Variants in BRCA1 observed in about 807,000 individuals in gnomAD.
BRCA1 encodes breast cancer type 1 susceptibility protein.
BRCA1 carries 140 observed loss-of-function variants against 173.7 expected under a neutral mutation model. The ratio of observed to expected loss-of-function variants is 0.81; its 90% CI spans 0.70 to 0.93. BRCA1 has a LOEUF of 0.93. BRCA1 is among the 40% of genes least tolerant of loss of function. The probability of loss-of-function intolerance (pLI) is 0.00; values close to 1 mark genes in which losing one functional copy is unlikely to be tolerated. For synonymous variants in BRCA1, 662 were observed against 756.0 expected (o/e 0.88, Z 2.04); for missense variants, 1,983 against 2,172.5 (o/e 0.91, Z 1.73).
At chr17:43,070,712 T>C (rs2052342535) in intron 15 of BRCA1, among the ~76,000 whole-genome samples, 1 of 152,228 alleles carries the variant, frequency 6.6e-6, no homozygotes, top group Non-Finnish European at 1.5e-5. Context: ...TATTTAATAA[T>C]TATTTTCTCA....
Position 43,119,136 on chromosome 17 carries a change from G to T in BRCA1, c.81-3357C>A, listed in dbSNP as rs527390046. 7 of 215,298 alleles carry T rather than the reference G, an allele frequency of 3.3e-5. No individual in the cohort carries two copies. In the South Asian group the frequency reaches 1.1e-3, roughly 34 times the overall value. The allele number at this position is 215,298 out of a possible 1,614,324, so 13.3% of individuals were successfully genotyped here. A position where few individuals can be genotyped will look rare whatever the true frequency, so the allele number is the denominator to read the frequency against. On this transcript the variant is annotated intron_variant, in intron 2 of 22. Coordinates refer to ENST00000357654, the MANE Select transcript of BRCA1 (RefSeq NM_007294.4). ...AACGACTAACCTGGCAGTGTGACAA[G>T]AATGTGGTTTTTTCCTTAAATATTT...
intron 19 of BRCA1, among the ~76,000 whole-genome samples, chr17:43,054,465 G>A (rs1038036555): frequency 8.5e-5 from 13 of 152,142 alleles, no homozygotes; most frequent in South Asian, 2.1e-4. Context: ...TTTGAGACAA[G>A]GTCTCACAAT....
chr17:43,137,619 G>A (rs982871892), intron 1 of BRCA1, among the ~76,000 whole-genome samples: 2 of 152,124 alleles, frequency 1.3e-5, no homozygotes, highest in African/African-American at 4.8e-5. Flanking sequence ...AGTGGCTCAT[G>A]CCTTTAATCC....
chr17:43,134,006 C>G (rs576036647), intron 1 of BRCA1, among the ~76,000 whole-genome samples: 4 of 152,326 alleles, frequency 2.6e-5, no homozygotes, highest in Non-Finnish European at 5.9e-5. Context: ...GTATTTCTAT[C>G]TGCTGGCCAC....
At chr17:43,083,861 A>G (rs1314323466) in intron 11 of BRCA1, among the ~76,000 whole-genome samples, 1 of 152,026 alleles carries the variant, frequency 6.6e-6, no homozygotes, top group Admixed American at 6.6e-5. Flanking sequence ...TTAAGAATTT[A>G]TTTTATTTAT....
rs55720177 is a variant in BRCA1 at position 43,094,104 on chromosome 17, T to C, written c.1427A>G (p.His476Arg). ...TCCTATAATTAGATTTTCAGTTACA[T>C]GGCTTAAGTTGGGGAGGCTTGCCTT... ...RKKASLPNLS[H>R]VTENLIIGAF... The change falls in exon 10 of 23, where the codon CAT (histidine) becomes CGT (arginine). Residue 476 changes from histidine (H) to arginine (R), a missense_variant. Physicochemically the swap from His to Arg is conservative, Grantham distance 29. Transcript: ENST00000357654. 194 of 1,614,134 alleles carry C rather than the reference T, an allele frequency of 1.2e-4. No individual in the cohort carries two copies. The African/African-American group carries it at 2.2e-3, about 19-fold the overall frequency.
At chr17:43,117,382 CAG>C (rs1255800530) in intron 2 of BRCA1, among the ~76,000 whole-genome samples, 1 of 152,092 alleles carries the variant, frequency 6.6e-6, no homozygotes, top group African/African-American at 2.4e-5. Context: ...GTGGAGGTTG[CAG>C]AGTGAGCCAA....
chr17:43,095,721 T>C (rs544607338), intron 9 of BRCA1, 125 bp downstream of exon 9: 42 of 807,278 alleles, frequency 5.2e-5, no homozygotes, highest in African/African-American at 4.8e-4. Context: ...AATGATACTC[T>C]AACTCTGCCA....
intron 18 of BRCA1, among the ~76,000 whole-genome samples, chr17:43,061,168 T>C (rs1330577043): frequency 6.6e-6 from 1 of 152,080 alleles, no homozygotes; most frequent in African/African-American, 2.4e-5. Flanking sequence ...CACTCATTAT[T>C]ACCTCAAGAC....
chr17:43,098,749 C>A (rs8176142), intron 7 of BRCA1, among the ~76,000 whole-genome samples: 2 of 151,980 alleles, frequency 1.3e-5, no homozygotes, highest in Non-Finnish European at 2.9e-5. Context: ...CTCAACCAAT[C>A]CTTCTGCCTC....
At chr17:43,072,686 T>G (rs2052506584) in intron 14 of BRCA1, among the ~76,000 whole-genome samples, 1 of 150,116 alleles carries the variant, frequency 6.7e-6, no homozygotes, top group Non-Finnish European at 1.5e-5. Flanking sequence ...TGCCTCAGCC[T>G]CCCGAGTAGC....
chr17:43,066,416 CTTTT>C (rs922721434), intron 16 of BRCA1, among the ~76,000 whole-genome samples: 1 of 151,882 alleles, frequency 6.6e-6, no homozygotes, highest in Non-Finnish European at 1.5e-5. Context: ...CTTGTTCTTT[CTTTT>C]GTTGTTGTTG....
rs1318864229 is a variant in BRCA1, at chr17:43,144,838, TAGCGAG to T, written c.-19-20729_-19-20724del. ...GAGTTCGAGACCAGCCTGGCCAACA[TAGCGAG>T]AGCAGCTCCGGTGGCGGGAGGAGTG... On this transcript the variant is annotated intron_variant, in intron 1 of 7. Transcript: ENST00000634433. 43 of 469,270 alleles carry T rather than the reference TAGCGAG, an allele frequency of 9.2e-5. 1 individual carries two copies. Among genetic ancestry groups the T allele is most frequent in the East Asian group, 7.4e-4 (13 of 17,634 alleles). The allele number at this position is 469,270 out of a possible 1,614,324, so 29.1% of individuals were successfully genotyped here.
intron 1 of BRCA1, among the ~76,000 whole-genome samples, chr17:43,135,856 C>G (rs1407172359): frequency 5.9e-5 from 9 of 152,222 alleles, no homozygotes; most frequent in East Asian, 1.9e-4. Context: ...GCAGCGTCCC[C>G]TTGAAGATGC....
intron 1 of BRCA1, among the ~76,000 whole-genome samples, chr17:43,169,711 C>T (rs553695079): frequency 1.6e-4 from 24 of 152,144 alleles, no homozygotes; most frequent in African/African-American, 5.1e-4. Context: ...CGCCCGTCCC[C>T]CGGAGCATCC....
At chr17:43,049,067 C>T (rs527352287) in intron 21 of BRCA1, 54 bp downstream of exon 21, 2 of 1,556,752 alleles carry the variant, frequency 1.3e-6, no homozygotes, top group South Asian at 2.2e-5. Flanking sequence ...GCCAGTCTTG[C>T]TCACAGGAGA....
intron 7 of BRCA1, 125 bp downstream of exon 7, chr17:43,099,650 T>C: frequency 2.7e-6 from 2 of 751,552 alleles, no homozygotes; most frequent in South Asian, 2.9e-5. Flanking sequence ...ACCATAGGGC[T>C]CATAAAATTC....
chr17:43,097,673 T>C (rs946040791), intron 7 of BRCA1, among the ~76,000 whole-genome samples: 1 of 152,248 alleles, frequency 6.6e-6, no homozygotes, highest in Non-Finnish European at 1.5e-5. Flanking sequence ...AGCCACTTAC[T>C]AGGTTTAATA....
rs1597854896 is a variant in BRCA1, at chr17:43,088,370, T to A, written c.4185+2574A>T. ...TACCTTCCATCCTATGAATTTATCT[T>A]TTTTTTTTTTTTAACTGCTCCTTGT... On this transcript the variant is annotated intron_variant, in intron 11 of 22. Transcript: ENST00000357654. Among the ~76,000 whole-genome samples, 4 of 144,716 alleles carry A rather than the reference T, an allele frequency of 2.8e-5. No individual in the cohort carries two copies. In the South Asian group the frequency reaches 8.6e-4, roughly 31 times the overall value. 94.9% of individuals were successfully genotyped at this position (144,716 alleles called of 152,430 possible).
Sources: gnomAD v4.1 joint callset for allele counts (sites outside exome capture counted in the v4.1 genomes callset) on GRCh38, gnomAD v4.1.1 for gene constraint, MANE v1.5 for transcripts, NCBI Gene and HGNC (gene_info 2026-07-23, HGNC 2026-07-21) for gene names.